Variants in EFCAB8 observed in about 807,000 individuals in gnomAD.
The protein encoded by EFCAB8 is EF-hand calcium binding domain 8.
EFCAB8 carries 100 observed loss-of-function variants against 116.3 expected under a neutral mutation model. The ratio of observed to expected loss-of-function variants is 0.86; its 90% CI spans 0.73 to 1.02. The LOEUF (loss-of-function observed/expected upper bound fraction) is 1.02, where lower values mean the gene tolerates loss of function less well. EFCAB8 is among the 50% of genes least tolerant of loss of function. The pLI, the probability that EFCAB8 is intolerant of heterozygous loss-of-function variation, is 0.00. For synonymous variants in EFCAB8, 558 were observed against 567.9 expected (o/e 0.98, Z 0.25); for missense variants, 1,320 against 1,416.9 (o/e 0.93, Z 1.10).
At chr20:32,930,861 C>T (rs1041424177) in intron 21 of EFCAB8, among the ~76,000 whole-genome samples, 3 of 152,226 alleles carry the variant, frequency 2.0e-5, no homozygotes, top group African/African-American at 4.8e-5. Context: ...TCTTCTCCAA[C>T]TCCCTCATCC....
At chr20:32,936,508 TC>T (rs764809734) in intron 22 of EFCAB8, among the ~76,000 whole-genome samples, 13 of 152,188 alleles carry the variant, frequency 8.5e-5, no homozygotes, top group Non-Finnish European at 1.3e-4. Flanking sequence ...GAGATAAGGA[TC>T]CAATTTTATT....
chr20:32,929,471 C>G, intron 20 of EFCAB8, among the ~76,000 whole-genome samples: 1 of 147,536 alleles, frequency 6.8e-6, no homozygotes. Flanking sequence ...CCTCCCCTCC[C>G]CTCCCCTCCC....
chr20:32,893,096 C>A (rs1985996098), intron 8 of EFCAB8, 78 bp from the exon 9 acceptor site: 3 of 1,525,784 alleles, frequency 2.0e-6, no homozygotes, highest in Admixed American at 4.0e-5. Context: ...CTACCTTGGC[C>A]TCCCAGAGTG....
At chr20:32,936,531 G>A (rs1988125960) in intron 22 of EFCAB8, among the ~76,000 whole-genome samples, 1 of 151,976 alleles carries the variant, frequency 6.6e-6, no homozygotes, top group South Asian at 2.1e-4. Flanking sequence ...TTCTGTATGT[G>A]GATCCAATTT....
At chr20:32,930,300 TG>T (rs750966724) in intron 20 of EFCAB8, 97 bp from the exon 21 acceptor site, 8 of 1,016,380 alleles carry the variant, frequency 7.9e-6, no homozygotes, top group Non-Finnish European at 1.1e-5. Flanking sequence ...TCTAGGAAAC[TG>T]GGGGACCAGG....
intron 2 of EFCAB8, among the ~76,000 whole-genome samples, chr20:32,866,196 G>A (rs1056880799): frequency 6.6e-6 from 1 of 152,150 alleles, no homozygotes; most frequent in Non-Finnish European, 1.5e-5. Context: ...GTAGACGCTG[G>A]GCTAATGAAT....
At chr20:32,887,621 C>T (rs1440053903) in intron 6 of EFCAB8, among the ~76,000 whole-genome samples, 1 of 152,222 alleles carries the variant, frequency 6.6e-6, no homozygotes, top group Non-Finnish European at 1.5e-5. Flanking sequence ...CCACACCTAC[C>T]TCATCTCTGG....
chr20:32,932,413 A>G (rs1156468676), intron 22 of EFCAB8, among the ~76,000 whole-genome samples: 2 of 152,082 alleles, frequency 1.3e-5, no homozygotes, highest in African/African-American at 4.8e-5. Flanking sequence ...CTTATATACG[A>G]TTTTCTATGT....
intron 22 of EFCAB8, among the ~76,000 whole-genome samples, chr20:32,942,187 T>C (rs974719174): frequency 6.6e-6 from 1 of 152,206 alleles, no homozygotes; most frequent in African/African-American, 2.4e-5. Flanking sequence ...AATAAATAAA[T>C]GTCCTAAGTG....
chr20:32,958,564 G>A lies in EFCAB8; in HGVS notation c.3089+14G>A. 2 of 415,540 alleles carry A rather than the reference G, an allele frequency of 4.8e-6. No homozygotes were observed. Among genetic ancestry groups the A allele is most frequent in the Non-Finnish European group, 8.8e-6 (2 of 226,266 alleles). The allele number at this position is 415,540 out of a possible 1,614,324, so 25.7% of individuals were successfully genotyped here. On this transcript the variant is annotated intron_variant, in intron 24 of 26. Coordinates refer to ENST00000400522, the MANE Select transcript of EFCAB8 (RefSeq NM_001143967.2). ...TCTGGAGCTGCAGTGAGTGAGCACA[G>A]CCTGCTTGATCTTCTCTGGCCTGAG...
chr20:32,927,240 A>G (rs1012166750), intron 20 of EFCAB8, among the ~76,000 whole-genome samples: 1 of 152,194 alleles, frequency 6.6e-6, no homozygotes, highest in Non-Finnish European at 1.5e-5. Context: ...CCTTGAACTT[A>G]AACTTGAACT....
intron 23 of EFCAB8, among the ~76,000 whole-genome samples, chr20:32,945,310 C>T (rs1380673114): frequency 6.6e-6 from 1 of 152,110 alleles, no homozygotes; most frequent in Non-Finnish European, 1.5e-5. Flanking sequence ...TGCATGCCAT[C>T]ATGCCTGGCT....
intron 3 of EFCAB8, among the ~76,000 whole-genome samples, chr20:32,871,806 T>C (rs1984696620): frequency 6.6e-6 from 1 of 152,128 alleles, no homozygotes; most frequent in Non-Finnish European, 1.5e-5. Flanking sequence ...TCCTGTTCTG[T>C]AAGTTCCCTT....
chr20:32,866,442 T>C (rs917060886), intron 2 of EFCAB8, among the ~76,000 whole-genome samples: 22 of 151,588 alleles, frequency 1.5e-4, no homozygotes, highest in Non-Finnish European at 2.8e-4. Context: ...TTTGGTGACC[T>C]GACACATTAT....
chr20:32,873,157 T>C (rs1984772136), intron 3 of EFCAB8, among the ~76,000 whole-genome samples: 1 of 151,726 alleles, frequency 6.6e-6, no homozygotes, highest in South Asian at 2.1e-4. Context: ...CACAAAACAG[T>C]GAAAGCCAGT....
chr20:32,918,262 G>A, intron 18 of EFCAB8, 100 bp from the exon 19 acceptor site: 1 of 1,215,910 alleles, frequency 8.2e-7, no homozygotes, highest in African/African-American at 1.5e-5. Context: ...AAGCCCTGGG[G>A]GGCTGGAGGG....
intron 17 of EFCAB8, chr20:32,916,980 T>A (rs1987215930): frequency 3.8e-6 from 1 of 266,276 alleles, no homozygotes; most frequent in Non-Finnish European, 7.2e-6. Flanking sequence ...CCCTTTCTTT[T>A]TAGGGACCTC....
rs139405013 is a variant in EFCAB8, at chr20:32,895,861, G to A, written c.884-593G>A. Among the ~76,000 whole-genome samples, 955 of 151,974 alleles carry A rather than the reference G, an allele frequency of 6.3e-3. 19 individuals are homozygous for A. In the East Asian group the frequency reaches 0.072, roughly 11 times the overall value. On this transcript the variant is annotated intron_variant, in intron 9 of 26. Coordinates refer to ENST00000400522, the MANE Select transcript of EFCAB8 (RefSeq NM_001143967.2). ...GCTGGGATTACAGGCGTGAGCCACC[G>A]TGCCTGGCCCAGGCTGGTCTCTTAA...
At chr20:32,863,861 T>C (rs1181564769) in intron 2 of EFCAB8, 27 bp downstream of exon 2, 3 of 1,550,656 alleles carry the variant, frequency 1.9e-6, no homozygotes, top group Admixed American at 3.9e-5. Context: ...TCTGAACTAA[T>C]AAAGGGTGGG....
Sources: gnomAD v4.1 joint callset for allele counts (sites outside exome capture counted in the v4.1 genomes callset) on GRCh38, gnomAD v4.1.1 for gene constraint, MANE v1.5 for transcripts, NCBI Gene and HGNC (gene_info 2026-07-23, HGNC 2026-07-21) for gene names.